TES: variants seen among roughly 807,000 people sequenced by gnomAD.
TES encodes the protein testin.
A neutral mutation model predicts 48.2 loss-of-function variants in TES; 41 were observed. That is an observed-to-expected ratio of 0.85 (90% CI 0.66 to 1.10). TES has a LOEUF of 1.10. Ranked by LOEUF, TES falls within the 50% of genes least tolerant of loss-of-function variation. The probability of loss-of-function intolerance (pLI) is 0.00; values close to 1 mark genes in which losing one functional copy is unlikely to be tolerated. For missense variants in TES, 463 were observed against 515.1 expected (o/e 0.90, Z 0.98); for synonymous variants, 162 against 174.9 (o/e 0.93, Z 0.58).
intron 1 of TES, among the ~76,000 whole-genome samples, chr7:116,220,030 C>G (rs572600700): frequency 1.3e-5 from 2 of 151,968 alleles, no homozygotes; most frequent in Non-Finnish European, 2.9e-5. Flanking sequence ...CCGTGTTAAA[C>G]GAAGACATGT....
intron 2 of TES, chr7:116,239,342 CAT>C (rs1338910141): frequency 1.3e-5 from 2 of 152,272 alleles, no homozygotes; most frequent in Admixed American, 6.5e-5. Context: ...ATAAAAGTAA[CAT>C]AATCATGAAA....
At chr7:116,218,381 C>A (rs939118098) in intron 1 of TES, among the ~76,000 whole-genome samples, 1 of 152,072 alleles carries the variant, frequency 6.6e-6, no homozygotes, top group Non-Finnish European at 1.5e-5. Context: ...ATGAACTTTT[C>A]CCTTGCTTTG....
chr7:116,223,977 C>T (rs1157376751), intron 1 of TES, among the ~76,000 whole-genome samples: 2 of 152,196 alleles, frequency 1.3e-5, no homozygotes, highest in Non-Finnish European at 2.9e-5. Context: ...TGCAGGCTAG[C>T]CTGATCAGTT....
At chr7:116,212,760 A>G (rs1799453345) in intron 1 of TES, among the ~76,000 whole-genome samples, 2 of 152,180 alleles carry the variant, frequency 1.3e-5, no homozygotes, top group Admixed American at 1.3e-4. Flanking sequence ...AATGCCCTTG[A>G]CATATGGTGT....
intron 2 of TES, among the ~76,000 whole-genome samples, chr7:116,242,133 T>C (rs1471911773): frequency 6.6e-6 from 1 of 152,184 alleles, no homozygotes; most frequent in Non-Finnish European, 1.5e-5. Context: ...TCCTTTAAGA[T>C]ACCACTTTGC....
intron 2 of TES, among the ~76,000 whole-genome samples, chr7:116,247,385 T>C (rs1799940953): frequency 6.6e-6 from 1 of 152,152 alleles, no homozygotes; most frequent in African/African-American, 2.4e-5. Flanking sequence ...AACATATAAT[T>C]TTTGTGGTTT....
chr7:116,245,971 G>A (rs1456729220), intron 2 of TES, among the ~76,000 whole-genome samples: 1 of 152,108 alleles, frequency 6.6e-6, no homozygotes, highest in African/African-American at 2.4e-5. Flanking sequence ...CATGAGAATA[G>A]CATGAGGGTA....
Position 116,258,107 on chromosome 7 carries a change from T to C in TES, c.*625T>C, listed in dbSNP as rs1346195069. The C allele has an allele frequency of 6.6e-6, 1 of 152,242 alleles. No individual in the cohort carries two copies. The highest frequency in any genetic ancestry group is 1.5e-5 in the Non-Finnish European group (1 of 68,040). 9.4% of individuals were successfully genotyped at this position (152,242 alleles called of 1,614,324 possible). Reference sequence around the variant, plus strand: ...TGTACCCTACCTTCAGTATTCTCTTTGTAAGTTGGTGACTTGCATCTGTGG... The same window carrying C: ...TGTACCCTACCTTCAGTATTCTCTTCGTAAGTTGGTGACTTGCATCTGTGG... On this transcript the variant is annotated 3_prime_UTR_variant, in exon 7 of 7. Transcript: ENST00000358204.
At chr7:116,240,702 C>T (rs1237197422) in intron 2 of TES, among the ~76,000 whole-genome samples, 1 of 151,784 alleles carries the variant, frequency 6.6e-6, no homozygotes, top group African/African-American at 2.4e-5. Flanking sequence ...TTTTTTTCCC[C>T]ATAGAACTTT....
intron 1 of TES, chr7:116,211,132 T>C: frequency 5.9e-6 from 1 of 168,416 alleles, no homozygotes. Context: ...GGAAGTTGAA[T>C]TTCATTAAGC....
intron 1 of TES, among the ~76,000 whole-genome samples, chr7:116,225,386 C>T (rs1418950652): frequency 2.0e-5 from 3 of 151,970 alleles, no homozygotes; most frequent in African/African-American, 7.3e-5. Flanking sequence ...ACTGTTACTG[C>T]CTTAAGAAAT....
At chr7:116,224,148 T>C (rs190346136) in intron 1 of TES, among the ~76,000 whole-genome samples, 25 of 152,302 alleles carry the variant, frequency 1.6e-4, no homozygotes, top group Non-Finnish European at 3.1e-4. Context: ...ATGTGAGAAA[T>C]CTTAGAAGTG....
intron 1 of TES, among the ~76,000 whole-genome samples, chr7:116,219,406 G>A (rs1799530478): frequency 1.3e-5 from 2 of 152,130 alleles, no homozygotes; most frequent in African/African-American, 4.8e-5. Context: ...TAACTGTGAT[G>A]ATTATTTAAT....
intron 2 of TES, among the ~76,000 whole-genome samples, chr7:116,241,269 A>G (rs1016645285): frequency 6.6e-6 from 1 of 152,270 alleles, no homozygotes; most frequent in African/African-American, 2.4e-5. Flanking sequence ...ACTCAAATAT[A>G]AAACACTGTA....
chr7:116,230,834 G>A (rs554447011), intron 1 of TES, among the ~76,000 whole-genome samples: 4 of 152,242 alleles, frequency 2.6e-5, no homozygotes, highest in Admixed American at 2.6e-4. Context: ...TGTTTCCTCT[G>A]CCCTGAATGC....
At chr7:116,229,154 C>T (rs990764711) in intron 1 of TES, among the ~76,000 whole-genome samples, 4 of 151,798 alleles carry the variant, frequency 2.6e-5, no homozygotes, top group African/African-American at 9.7e-5. Flanking sequence ...TTCGCCTTAG[C>T]TGAGGAGCTA....
intron 4 of TES, among the ~76,000 whole-genome samples, chr7:116,251,139 T>C (rs1800000800): frequency 6.6e-6 from 1 of 152,166 alleles, no homozygotes; most frequent in African/African-American, 2.4e-5. Context: ...GTGATAGTTT[T>C]AGAGAATCTA....
intron 1 of TES, chr7:116,222,930 T>A: frequency 3.1e-6 from 3 of 977,090 alleles, no homozygotes; most frequent in Non-Finnish European, 3.6e-6. Flanking sequence ...ATTATAATAA[T>A]TGTGACATTT....
At chr7:116,220,141 G>A (rs1293924213) in intron 1 of TES, among the ~76,000 whole-genome samples, 4 of 152,102 alleles carry the variant, frequency 2.6e-5, no homozygotes, top group Non-Finnish European at 5.9e-5. Context: ...AATATATTCT[G>A]TGAACATTCC....
Sources: allele counts gnomAD v4.1 joint callset (sites outside exome capture counted in the v4.1 genomes callset), GRCh38; gene constraint gnomAD v4.1.1; transcripts MANE v1.5; gene names NCBI Gene and HGNC (gene_info 2026-07-23, HGNC 2026-07-21).